The following LINGO4 variants were observed in gnomAD, a reference collection of about 807,000 sequenced individuals.
LINGO4 encodes the protein leucine rich repeat and Ig domain containing 4, also known as leucine-rich repeat and immunoglobulin-like domain-containing nogo receptor-interacting protein 4.
In LINGO4, 22 loss-of-function variants were observed where a neutral mutation model predicts 27.9. The observed-to-expected ratio is 0.79, with a 90% CI of 0.56 to 1.13. The LOEUF (loss-of-function observed/expected upper bound fraction) is 1.13, where lower values mean the gene tolerates loss of function less well. LINGO4 is among the 50% of genes most tolerant of loss of function. The pLI is 0.00. For missense variants in LINGO4, 706 were observed against 739.4 expected (o/e 0.95, Z 0.52); for synonymous variants, 306 against 325.8 (o/e 0.94, Z 0.65).
chr1:151,802,506 G>A lies in LINGO4; in HGVS notation c.199C>T (p.Leu67=). The A allele has an allele frequency of 6.2e-7, 1 of 1,611,968 alleles. No homozygotes were observed. The highest frequency in any genetic ancestry group is 8.5e-7 in the Non-Finnish European group (1 of 1,178,918). ...GLPLDTELLD[L]SGNRLWGLQQ... ...AGCCCCCACAGGCGGTTCCCACTCAGGTCCAGGAGCTCAGTGTCCAGTGGG... is the reference window on the plus strand; with the variant it reads ...AGCCCCCACAGGCGGTTCCCACTCAAGTCCAGGAGCTCAGTGTCCAGTGGG... The change falls in exon 2 of 2, where the codon CTG becomes TTG. Residue 67 remains leucine (L), a synonymous_variant. Transcript: ENST00000368820.
At position 151,801,159 on chromosome 1, in the gene LINGO4, T is replaced by C. The variant is rs759623842; in HGVS notation, c.1546A>G (p.Ile516Val). 2 of 1,614,166 alleles carry C rather than the reference T, an allele frequency of 1.2e-6. No homozygotes were observed. Among genetic ancestry groups the C allele is most frequent in the Non-Finnish European group, 1.7e-6 (2 of 1,180,012 alleles). The change falls in exon 2 of 2, where the codon ATC becomes GTC. Residue 516 changes from isoleucine to valine, a missense_variant. Ile to Val is a conservative substitution (Grantham distance 29). Transcript: ENST00000368820. This position sits in a 1 kb window ranked among gnomAD's most constrained non-coding sequence, Gnocchi z 5.7. ...PPNGTLSDPN[I>V]TVPGIPGPFF... ...GGCCCTGGGATCCCTGGCACGGTGA[T>C]GTTGGGGTCAGAAAGTGTGCCGTTT...
rs1276639538 is a variant in LINGO4 at position 151,801,841 on chromosome 1, G to A, written c.864C>T (p.Ile288=). 3 of 1,614,122 alleles carry A rather than the reference G, an allele frequency of 1.9e-6. No homozygotes were observed. The highest frequency in any genetic ancestry group is 1.1e-5 in the South Asian group (1 of 91,096). The change falls in exon 2 of 2, where the codon ATC becomes ATT. Residue 288 remains isoleucine, a synonymous_variant. Coordinates refer to ENST00000368820, the MANE Select transcript of LINGO4 (RefSeq NM_001004432.4). This position sits in a 1 kb window ranked among gnomAD's most constrained non-coding sequence, Gnocchi z 5.7. The part of the protein sequence containing the change: ...LRVLDLSQNP[I]SAIPARRLSP... ...TGAGCCTTCGGGCTGGGATGGCTGA[G>A]ATGGGATTCTGGGACAGATCCAGGA...
At position 151,802,483 on chromosome 1, in the gene LINGO4, C is replaced by T. The variant is rs147627798; in HGVS notation, c.222G>A (p.Gly74=). The part of the protein sequence containing the change: ...LLDLSGNRLW[G]LQQGMLSRLS... ...GGCGGGAGAGCATTCCCTGCTGGAG[C>T]CCCCACAGGCGGTTCCCACTCAGGT... Residue 74 remains glycine (G), a synonymous_variant, in exon 2 of 2, where the codon GGG becomes GGA. Transcript: ENST00000368820. 27 of 1,613,468 alleles carry T rather than the reference C, an allele frequency of 1.7e-5. No homozygotes were observed. The South Asian group carries it at 2.5e-4, about 15-fold the overall frequency.
In LINGO4 at chr1:151,800,971, A is replaced by G; in HGVS notation, c.1734T>C (p.Ser578=). The change falls in exon 2 of 2, where the codon TCT becomes TCC. Residue 578 remains serine (S), a synonymous_variant. Transcript: ENST00000368820. ...GGTTACCCCCAGAGTTTTTATCCCC[A>G]GAGGGCCGAGGTGCCACAAAGTCAA... ...MTFDFVAPRP[S]GDKNSGGNRV... is the part of the protein sequence containing the mutation. The G allele has an allele frequency of 6.2e-7, 1 of 1,613,824 alleles. No individual in the cohort carries two copies. Among genetic ancestry groups the G allele is most frequent in the Middle Eastern group, 1.7e-4 (1 of 6,058 alleles).
Position 151,801,579 on chromosome 1 carries a change from G to A in LINGO4, c.1126C>T (p.Leu376=), listed in dbSNP as rs1202521436. 6.2e-7 allele frequency: 1 copy of A among 1,613,646 alleles called. No homozygotes were observed. Among genetic ancestry groups the A allele is most frequent in the East Asian group, 2.2e-5 (1 of 44,900 alleles). Reference sequence around the variant, plus strand: ...GCAGGGGGGGACATGCCAAAGTCCAGGTGGCGGCGGAGCCGGAGCAGCCAG... The same window carrying A: ...GCAGGGGGGGACATGCCAAAGTCCAAGTGGCGGCGGAGCCGGAGCAGCCAG... ...LLWLLRLRRH[L]DFGMSPPACA... Residue 376 remains leucine (L), a synonymous_variant, in exon 2 of 2, where the codon CTG becomes TTG. Transcript: ENST00000368820. This position sits in a 1 kb window ranked among gnomAD's most constrained non-coding sequence, Gnocchi z 5.7.
In LINGO4 at chr1:151,803,847, C is replaced by A. The variant is rs368663885; in HGVS notation, c.-13-1130G>T. Among the ~76,000 whole-genome samples, 178 of 152,198 alleles carry A rather than the reference C, an allele frequency of 1.2e-3. 3 individuals are homozygous for A. In the South Asian group the frequency reaches 0.035, roughly 30 times the overall value. On this transcript the variant is annotated intron_variant, in intron 1 of 1. Transcript: ENST00000368820. The stretch of plus-strand genomic sequence containing the variant: ...CTGGGTACCAGGTTCCGGGAACCCT[C>A]AGGAAGATGGTGACTACAATGGCTG...
chr1:151,800,773 C>T lies in LINGO4; in HGVS notation c.*150G>A. ...CCTCAGACCGGAAAAGCTCAGGAAG[C>T]AGACTCTCCGGCAGGAGGCACAACG... is the stretch of plus-strand genomic sequence containing the variant. On this transcript the variant is annotated 3_prime_UTR_variant, in exon 2 of 2. Coordinates refer to ENST00000368820, the MANE Select transcript of LINGO4 (RefSeq NM_001004432.4). 1.5e-6 allele frequency: 1 copy of T among 683,786 alleles called. No individual in the cohort carries two copies. The highest frequency in any genetic ancestry group is 2.5e-6 in the Non-Finnish European group (1 of 406,596). 42.4% of individuals were successfully genotyped at this position (683,786 alleles called of 1,614,324 possible).
chr1:151,803,375 C>T (rs924522126), intron 1 of LINGO4, among the ~76,000 whole-genome samples: 1 of 152,178 alleles, frequency 6.6e-6, no homozygotes, highest in Non-Finnish European at 1.5e-5. Flanking sequence ...CCCCAAAATG[C>T]CTGTGTGGAC....
At position 151,805,374 on chromosome 1, in the gene LINGO4, CGCTGCT is replaced by C; in HGVS notation, c.-164_-159del. ...GCCTGGCTGCCCGGCTGCTGCCTGCCGCTGCTGCTGCTGCTGTTGCTGCTGCGGCCG... is the reference window on the plus strand; with the variant it reads ...GCCTGGCTGCCCGGCTGCTGCCTGCCGCTGCTGCTGTTGCTGCTGCGGCCG... On this transcript the variant is annotated 5_prime_UTR_variant, in exon 1 of 2. Transcript: ENST00000368820. 1.5e-5 allele frequency: 3 copies of C among 194,328 alleles called. No homozygotes were observed. The highest frequency in any genetic ancestry group is 7.9e-5 in the South Asian group (1 of 12,678). 12.0% of individuals were successfully genotyped at this position (194,328 alleles called of 1,614,324 possible).
At position 151,801,968 on chromosome 1, in the gene LINGO4, G is replaced by C. The variant is rs150872163; in HGVS notation, c.737C>G (p.Pro246Arg). The change falls in exon 2 of 2, where the codon CCT becomes CGT. Residue 246 changes from proline (P) to arginine (R), a missense_variant. Physicochemically the swap from Pro to Arg is moderately radical, Grantham distance 103. Coordinates refer to ENST00000368820, the MANE Select transcript of LINGO4 (RefSeq NM_001004432.4). This position sits in a 1 kb window ranked among gnomAD's most constrained non-coding sequence, Gnocchi z 5.7. ...GAGATTGAGCCCAACCAGGCTCCCAGGGTCCAGAGCCTCCAGAGATGGCCA... is the reference window on the plus strand; with the variant it reads ...GAGATTGAGCCCAACCAGGCTCCCACGGTCCAGAGCCTCCAGAGATGGCCA... ...HLWPSLEALD[P>R]GSLVGLNLSS... The C allele has an allele frequency of 3.9e-4, 626 of 1,614,206 alleles. 1 individual carries two copies. The highest frequency in any genetic ancestry group is 5.1e-4 in the Non-Finnish European group (605 of 1,180,010).
chr1:151,802,627 C>G lies in LINGO4; in HGVS notation c.78G>C (p.Gly26=). The G allele has an allele frequency of 1.9e-6, 3 of 1,592,386 alleles. No individual in the cohort carries two copies. The South Asian group carries it at 3.4e-5, about 18-fold the overall frequency. The part of the protein sequence containing the change: ...PLLFLLLLPG[G]SGGSCPAVCD... ...ACACAGCAGGGCAGCTGCCACCGCT[C>G]CCTCCAGGTAGGAGGAGGAGGAAAA... Residue 26 remains glycine (G), a synonymous_variant, in exon 2 of 2, where the codon GGG becomes GGC. Coordinates refer to ENST00000368820, the MANE Select transcript of LINGO4 (RefSeq NM_001004432.4).
intron 1 of LINGO4, among the ~76,000 whole-genome samples, chr1:151,804,963 C>A (rs1052823444): frequency 6.6e-6 from 1 of 152,180 alleles, no homozygotes; most frequent in Admixed American, 6.5e-5. Flanking sequence ...AAGATCCACA[C>A]CGATTGTGGA....
At chr1:151,803,830 C>T (rs1651215326) in intron 1 of LINGO4, among the ~76,000 whole-genome samples, 1 of 152,268 alleles carries the variant, frequency 6.6e-6, no homozygotes, top group African/African-American at 2.4e-5. Flanking sequence ...TTCTGGGTAC[C>T]AGGTTCCGGG....
At position 151,801,733 on chromosome 1, in the gene LINGO4, A is replaced by C. The variant is rs764153316; in HGVS notation, c.972T>G (p.Thr324=). ...CTGCCACATCCAGGAGGTGGAAGGC[A>C]GTCAAGCCATGGAAGGCATGGGCAG... The part of the protein sequence containing the change: ...SIAAHAFHGL[T]AFHLLDVADN... Residue 324 remains threonine, a synonymous_variant, in exon 2 of 2, where the codon ACT becomes ACG. Coordinates refer to ENST00000368820, the MANE Select transcript of LINGO4 (RefSeq NM_001004432.4). The surrounding 1 kb of genome is among the most constrained non-coding windows in gnomAD (Gnocchi z 5.7). 1 of 1,614,226 alleles carries C rather than the reference A, an allele frequency of 6.2e-7. No individual in the cohort carries two copies. The highest frequency in any genetic ancestry group is 8.5e-7 in the Non-Finnish European group (1 of 1,180,024).
In LINGO4 at chr1:151,801,135, GCCC is replaced by G. The variant is rs1651131617; in HGVS notation, c.1567_1569del (p.Gly523del). 6.2e-7 allele frequency: 1 copy of G among 1,614,166 alleles called. No individual in the cohort carries two copies. The highest frequency in any genetic ancestry group is 1.1e-5 in the South Asian group (1 of 91,086). ...ACACCTCTGCTATCCAGAAAAAAAG[GCCC>G]TGGGATCCCTGGCACGGTGATGTTG... On this transcript the variant is annotated inframe_deletion, in exon 2 of 2. Transcript: ENST00000368820. This position sits in a 1 kb window ranked among gnomAD's most constrained non-coding sequence, Gnocchi z 5.7.
At chr1:151,804,449 C>G (rs1013316528) in intron 1 of LINGO4, among the ~76,000 whole-genome samples, 1 of 152,222 alleles carries the variant, frequency 6.6e-6, no homozygotes, top group African/African-American at 2.4e-5. Flanking sequence ...CTCCCTTGTT[C>G]TCCCTAGGCT....
In LINGO4 at chr1:151,804,211, G is replaced by A. The variant is rs557209521; in HGVS notation, c.-14+1019C>T. ...TTTCCTTCCCACTCTCCACCTCCTA[G>A]AAGGATCATTCTAGTGGCTATCCTA... On this transcript the variant is annotated intron_variant, in intron 1 of 1. Coordinates refer to ENST00000368820, the MANE Select transcript of LINGO4 (RefSeq NM_001004432.4). Among the ~76,000 whole-genome samples, 7 of 152,226 alleles carry A rather than the reference G, an allele frequency of 4.6e-5. No homozygotes were observed. In the East Asian group the frequency reaches 1.4e-3, roughly 29 times the overall value.
In LINGO4 at chr1:151,805,347, C is replaced by A; in HGVS notation, c.-131G>T. The A allele has an allele frequency of 5.3e-6, 1 of 187,852 alleles. No individual in the cohort carries two copies. Among genetic ancestry groups the A allele is most frequent in the Non-Finnish European group, 1.1e-5 (1 of 90,556 alleles). The allele number at this position is 187,852 out of a possible 1,614,324, so 11.6% of individuals were successfully genotyped here. On this transcript the variant is annotated 5_prime_UTR_variant, in exon 1 of 2. Transcript: ENST00000368820. ...CCTTCCCTGTGTGCCTCAACCCCCG[C>A]TGCCTGGCTGCCCGGCTGCTGCCTG...
At position 151,801,255 on chromosome 1, in the gene LINGO4, A is replaced by C. The variant is rs1276800477; in HGVS notation, c.1450T>G (p.Cys484Gly). The change falls in exon 2 of 2, where the codon TGT becomes GGT. Residue 484 changes from cysteine to glycine, a missense_variant. Transcript: ENST00000368820. This position sits in a 1 kb window ranked among gnomAD's most constrained non-coding sequence, Gnocchi z 5.7. ...VQLRDRGAYV[C>G]VVSNVAGNDS... ...TTCCCAGCGACATTGCTAACCACAC[A>C]GACATAGGCCCCTCTGTCCCGTAGC... The C allele has an allele frequency of 1.2e-6, 2 of 1,614,090 alleles. No homozygotes were observed. The highest frequency in any genetic ancestry group is 1.3e-5 in the African/African-American group (1 of 74,928).
Sources: allele counts gnomAD v4.1 joint callset (sites outside exome capture counted in the v4.1 genomes callset), GRCh38; gene constraint gnomAD v4.1.1; non-coding constraint Gnocchi (gnomAD v3.1); transcripts MANE v1.5; gene names NCBI Gene and HGNC (gene_info 2026-07-23, HGNC 2026-07-21).